ADAMTS4: variants seen among roughly 807,000 people sequenced by gnomAD.
ADAMTS4 encodes the protein ADAM metallopeptidase with thrombospondin type 1 motif 4, also known as A disintegrin and metalloproteinase with thrombospondin motifs 4.
In ADAMTS4, 38 loss-of-function variants were observed where a neutral mutation model predicts 66.7. The observed-to-expected ratio is 0.57, with a 90% CI of 0.44 to 0.75. The LOEUF is 0.75. Among genes scored for constraint, ADAMTS4 ranks in the 30% least tolerant of loss-of-function variants. ADAMTS4 has a pLI of 0.00. For missense variants in ADAMTS4, 1,014 were observed against 1,116.7 expected, an observed-to-expected ratio of 0.91 and a Z score of 1.31; for synonymous variants, 418 against 461.5, an observed-to-expected ratio of 0.91 and a Z score of 1.21.
chr1:161,197,772 G>C (rs1664913989), intron 1 of ADAMTS4, among the ~76,000 whole-genome samples: 1 of 152,100 alleles, frequency 6.6e-6, no homozygotes, highest in African/African-American at 2.4e-5. Context: ...CAGAGTCTGT[G>C]ACCCACCTCT....
At position 161,198,330 on chromosome 1, in the gene ADAMTS4, A is replaced by G. The variant is rs113202559; in HGVS notation, c.298T>C (p.Ser100Pro). ...ETLLLELEQD[S>P]GVQVEGLTVQ... ...GTCAGCCCCTCGACCTGCACACCGGAGTCCTGCTCCAGCTCTAGTAGCAGC... is the reference window on the plus strand; with the variant it reads ...GTCAGCCCCTCGACCTGCACACCGGGGTCCTGCTCCAGCTCTAGTAGCAGC... The change falls in exon 1 of 9, where the codon TCC becomes CCC. Residue 100 changes from serine to proline, a missense_variant. Physicochemically the swap from Ser to Pro is moderately conservative, Grantham distance 74 (BLOSUM62 -1). Coordinates refer to ENST00000367996, the MANE Select transcript of ADAMTS4 (RefSeq NM_005099.6). This position sits in a 1 kb window ranked among gnomAD's most constrained non-coding sequence, Gnocchi z 4.7. 2,030 of 1,613,344 alleles carry G rather than the reference A, an allele frequency of 1.3e-3. 6 individuals are homozygous for G. Among genetic ancestry groups the G allele is most frequent in the Non-Finnish European group, 1.6e-3 (1,835 of 1,179,998 alleles).
chr1:161,196,262 A>G lies in ADAMTS4; in HGVS notation c.999T>C (p.Ala333=), dbSNP rs750780729. ...GVSTCDTLGM[A]DVGTVCDPAR... is the part of the protein sequence containing the mutation. ...CCGGGTCACAGACGGTGCCCACATC[A>G]GCCATACCCAGCGTGTCGCAAGTGG... Residue 333 remains alanine, a synonymous_variant, in exon 3 of 9, where the codon GCT becomes GCC. Coordinates refer to ENST00000367996, the MANE Select transcript of ADAMTS4 (RefSeq NM_005099.6). 1.2e-6 allele frequency: 2 copies of G among 1,613,756 alleles called. No homozygotes were observed. Among genetic ancestry groups the G allele is most frequent in the Non-Finnish European group, 1.7e-6 (2 of 1,179,836 alleles).
At chr1:161,191,764 C>T (rs1004798443) in intron 8 of ADAMTS4, among the ~76,000 whole-genome samples, 200 bp from the exon 9 acceptor site, 1 of 152,182 alleles carries the variant, frequency 6.6e-6, no homozygotes, top group African/African-American at 2.4e-5. Flanking sequence ...CCCACTGCCC[C>T]CTTATTGAGT....
At position 161,194,092 on chromosome 1, in the gene ADAMTS4, G is replaced by C. The variant is rs532926718; in HGVS notation, c.1391C>G (p.Pro464Arg). The change falls in exon 5 of 9, where the codon CCG becomes CGG. Residue 464 changes from proline to arginine, a missense_variant. Coordinates refer to ENST00000367996, the MANE Select transcript of ADAMTS4 (RefSeq NM_005099.6). The surrounding 1 kb of genome is among the most constrained non-coding windows in gnomAD (Gnocchi z 4.1). ...GCACCAGAGGGCAGCACAGGGCGGC[G>C]GCAGCTGTGGACAATGGCGTGAGTC... is the stretch of plus-strand genomic sequence containing the variant. ...GPDSRHCPQL[P>R]PPCAALWCSG... 5 of 1,614,128 alleles carry C rather than the reference G, an allele frequency of 3.1e-6. No individual in the cohort carries two copies. Among genetic ancestry groups the C allele is most frequent in the Non-Finnish European group, 3.4e-6 (4 of 1,180,046 alleles).
chr1:161,196,689 G>T lies in ADAMTS4; in HGVS notation c.825C>A (p.Gly275=). The change falls in exon 2 of 9, where the codon GGC becomes GGA. Residue 275 remains glycine, a synonymous_variant. Coordinates refer to ENST00000367996, the MANE Select transcript of ADAMTS4 (RefSeq NM_005099.6). The part of the protein sequence containing the change: ...VVTRLVILGS[G]EEGPQVGPSA... ...TGGGCCCCACTTGGGGCCCCTCCTCGCCTGACCCCAGGATCACTAGCCGAG... is the reference window on the plus strand; with the variant it reads ...TGGGCCCCACTTGGGGCCCCTCCTCTCCTGACCCCAGGATCACTAGCCGAG... 6.2e-7 allele frequency: 1 copy of T among 1,613,980 alleles called. No individual in the cohort carries two copies. Among genetic ancestry groups the T allele is most frequent in the Non-Finnish European group, 8.5e-7 (1 of 1,179,986 alleles).
chr1:161,192,295 G>A, intron 7 of ADAMTS4, 55 bp from the exon 8 acceptor site: 1 of 1,557,424 alleles, frequency 6.4e-7, no homozygotes, highest in Non-Finnish European at 8.8e-7. Flanking sequence ...AAAAGGGGTT[G>A]GTAAATCAAA....
At chr1:161,196,069 G>A in intron 3 of ADAMTS4, 102 bp downstream of exon 3, 2 of 1,419,010 alleles carry the variant, frequency 1.4e-6, no homozygotes, top group South Asian at 1.5e-5. Flanking sequence ...CCTAGGCCTG[G>A]GGGAAGAATA....
At position 161,198,315 on chromosome 1, in the gene ADAMTS4, C is replaced by T. The variant is rs144354289; in HGVS notation, c.313G>A (p.Glu105Lys). 148 of 1,613,204 alleles carry T rather than the reference C, an allele frequency of 9.2e-5. 1 individual carries two copies. In the South Asian group the frequency reaches 1.3e-3, roughly 14 times the overall value. ...CCCAGGTACTGCACTGTCAGCCCCTCGACCTGCACACCGGAGTCCTGCTCC... is the reference window on the plus strand; with the variant it reads ...CCCAGGTACTGCACTGTCAGCCCCTTGACCTGCACACCGGAGTCCTGCTCC... ...ELEQDSGVQV[E>K]GLTVQYLGQA... Residue 105 changes from glutamate to lysine, a missense_variant, in exon 1 of 9, where the codon GAG (glutamate) becomes AAG (lysine). Physicochemically the swap from Glu to Lys is moderately conservative, Grantham distance 56 (BLOSUM62 1). Coordinates refer to ENST00000367996, the MANE Select transcript of ADAMTS4 (RefSeq NM_005099.6). The surrounding 1 kb of genome is among the most constrained non-coding windows in gnomAD (Gnocchi z 4.7).
chr1:161,191,282 G>T lies in ADAMTS4; in HGVS notation c.2370C>A (p.Asn790Lys). The change falls in exon 9 of 9, where the codon AAC (asparagine) becomes AAA (lysine). Residue 790 changes from asparagine to lysine, a missense_variant. Transcript: ENST00000367996. ...PLTLQVLVAG[N>K]PQDTRLRYSF... ...TGTATCGGAGGCGTGTGTCCTGGGG[G>T]TTGCCAGCCACTAGGACTTGCAGTG... 1 of 1,613,926 alleles carries T rather than the reference G, an allele frequency of 6.2e-7. No homozygotes were observed. The highest frequency in any genetic ancestry group is 8.5e-7 in the Non-Finnish European group (1 of 1,180,024).
rs768584236 is a variant in ADAMTS4, at chr1:161,191,533, C to T, written c.2119G>A (p.Ala707Thr). 1.7e-5 allele frequency: 27 copies of T among 1,613,034 alleles called. No individual in the cohort carries two copies. The highest frequency in any genetic ancestry group is 2.2e-5 in the East Asian group (1 of 44,898). ...YGYNNVVTIP[A>T]GATHILVRQQ... is the part of the protein sequence containing the mutation. The stretch of plus-strand genomic sequence containing the variant: ...CGGACAAGAATGTGGGTGGCCCCCG[C>T]GGGGATAGTGACCACATTGTTGTAT... The change falls in exon 9 of 9, where the codon GCG becomes ACG. Residue 707 changes from alanine (A) to threonine (T), a missense_variant. Physicochemically the swap from Ala to Thr is moderately conservative, Grantham distance 58 (BLOSUM62 0). Transcript: ENST00000367996.
In ADAMTS4 at chr1:161,187,228, T is replaced by G. The variant is rs1356363712; in HGVS notation, c.*3910A>C. 6.6e-6 allele frequency: 1 copy of G among 152,176 alleles called. No homozygotes were observed. Among genetic ancestry groups the G allele is most frequent in the Non-Finnish European group, 1.5e-5 (1 of 68,038 alleles). 9.4% of individuals were successfully genotyped at this position (152,176 alleles called of 1,614,324 possible). A position where few individuals can be genotyped will look rare whatever the true frequency, so the allele number is the denominator to read the frequency against. ...ACAACCTCCCCTGCCCAGAATGCAG[T>G]GTGAACCCCTTTAGGACAGTCGTAT... On this transcript the variant is annotated 3_prime_UTR_variant, in exon 9 of 9. Transcript: ENST00000367996.
In ADAMTS4 at chr1:161,198,706, T is replaced by G; in HGVS notation, c.-79A>C. 2.3e-6 allele frequency: 3 copies of G among 1,330,218 alleles called. No homozygotes were observed. The highest frequency in any genetic ancestry group is 3.1e-5 in the South Asian group (2 of 65,022). 82.4% of individuals were successfully genotyped at this position (1,330,218 alleles called of 1,614,324 possible). A position where few individuals can be genotyped will look rare whatever the true frequency, so the allele number is the denominator to read the frequency against. On this transcript the variant is annotated 5_prime_UTR_variant, in exon 1 of 9. Coordinates refer to ENST00000367996, the MANE Select transcript of ADAMTS4 (RefSeq NM_005099.6). The surrounding 1 kb of genome is among the most constrained non-coding windows in gnomAD (Gnocchi z 4.7). ...CCACACCCTAGCTTTGGAAAGCTCC[T>G]CTCTGTAGCCTGGGGGCTTGGACTC... is the stretch of plus-strand genomic sequence containing the variant.
Position 161,194,809 on chromosome 1 carries a change from A to G in ADAMTS4, c.1262-588T>C, listed in dbSNP as rs1558075424. On this transcript the variant is annotated intron_variant, in intron 4 of 8. Coordinates refer to ENST00000367996, the MANE Select transcript of ADAMTS4 (RefSeq NM_005099.6). This position sits in a 1 kb window ranked among gnomAD's most constrained non-coding sequence, Gnocchi z 4.1. The stretch of plus-strand genomic sequence containing the variant: ...AAATACCTATGAGATAGGTACCGCT[A>G]TTATACTTATCTGACATATCAACTA... 6.6e-6 allele frequency among the ~76,000 whole-genome samples: 1 copy of G among 152,208 alleles called. No homozygotes were observed. The highest frequency in any genetic ancestry group is 1.5e-5 in the Non-Finnish European group (1 of 68,026).
intron 1 of ADAMTS4, among the ~76,000 whole-genome samples, chr1:161,197,696 G>C (rs1308833814): frequency 6.6e-6 from 1 of 152,032 alleles, no homozygotes; most frequent in Non-Finnish European, 1.5e-5. Context: ...GCTGGGGACT[G>C]TGTCAGTAGG....
At chr1:161,196,137 T>G in intron 3 of ADAMTS4, 34 bp downstream of exon 3, 1 of 1,458,212 alleles carries the variant, frequency 6.9e-7, no homozygotes, top group Non-Finnish European at 9.2e-7. Flanking sequence ...CACCTTCTCC[T>G]CCCTAATACC....
Position 161,198,656 on chromosome 1 carries a change from G to T in ADAMTS4, c.-29C>A. On this transcript the variant is annotated 5_prime_UTR_variant, in exon 1 of 9. Coordinates refer to ENST00000367996, the MANE Select transcript of ADAMTS4 (RefSeq NM_005099.6). The surrounding 1 kb of genome is among the most constrained non-coding windows in gnomAD (Gnocchi z 4.7). ...ACTGGTACTGCAGCTGGGAGGGACT[G>T]AGGCCGTCTAGGGCACCAAGTCCTC... is the stretch of plus-strand genomic sequence containing the variant. The T allele has an allele frequency of 6.8e-7, 1 of 1,470,976 alleles. No homozygotes were observed. The highest frequency in any genetic ancestry group is 2.4e-5 in the East Asian group (1 of 41,088). The allele number at this position is 1,470,976 out of a possible 1,614,324, so 91.1% of individuals were successfully genotyped here. A position where few individuals can be genotyped will look rare whatever the true frequency, so the allele number is the denominator to read the frequency against.
intron 1 of ADAMTS4, chr1:161,197,212 T>G: frequency 3.4e-6 from 1 of 289,910 alleles, no homozygotes; most frequent in Non-Finnish European, 6.5e-6. Context: ...CAGGCCTGAG[T>G]GTGGCTGGGG....
In ADAMTS4 at chr1:161,188,035, C is replaced by T. The variant is rs1162888916; in HGVS notation, c.*3103G>A. ...CGCAATTTCGGCTCACTGCAACCTC[C>T]ACCTCCCAGGTTCAAGCGATCCTCC... On this transcript the variant is annotated 3_prime_UTR_variant, in exon 9 of 9. Transcript: ENST00000367996. The T allele has an allele frequency of 6.6e-6, 1 of 150,546 alleles. No individual in the cohort carries two copies. The highest frequency in any genetic ancestry group is 1.9e-4 in the East Asian group (1 of 5,144). 9.3% of individuals were successfully genotyped at this position (150,546 alleles called of 1,614,324 possible). A position where few individuals can be genotyped will look rare whatever the true frequency, so the allele number is the denominator to read the frequency against.
In ADAMTS4 at chr1:161,191,436, T is replaced by G; in HGVS notation, c.2216A>C (p.Asn739Thr). The change falls in exon 9 of 9, where the codon AAT becomes ACT. Residue 739 changes from asparagine to threonine, a missense_variant. Transcript: ENST00000367996. The stretch of plus-strand genomic sequence containing the variant: ...GGAGGGCATCAGCGTGTATTCACCA[T>G]TGAGGGCATAGGAGCCATCTGGCAG... Reference protein sequence around the residue: ...LKLPDGSYALNGEYTLMPSPT... With the variant: ...LKLPDGSYALTGEYTLMPSPT... 6.2e-7 allele frequency: 1 copy of G among 1,614,196 alleles called. No individual in the cohort carries two copies. The highest frequency in any genetic ancestry group is 8.5e-7 in the Non-Finnish European group (1 of 1,180,024).
Sources: gnomAD v4.1 joint callset for allele counts (sites outside exome capture counted in the v4.1 genomes callset) on GRCh38, gnomAD v4.1.1 for gene constraint, Gnocchi (gnomAD v3.1) non-coding constraint, MANE v1.5 for transcripts, NCBI Gene and HGNC (gene_info 2026-07-23, HGNC 2026-07-21) for gene names.